Variants in PDZRN4 observed in about 807,000 individuals in gnomAD.
PDZRN4 encodes the protein PDZ domain-containing RING finger protein 4.
A neutral mutation model predicts 99.0 loss-of-function variants in PDZRN4; 70 were observed. The observed-to-expected ratio is 0.71, with a 90% CI of 0.58 to 0.86. The LOEUF is 0.86. Ranked by LOEUF, PDZRN4 falls within the 40% of genes least tolerant of loss-of-function variation. The pLI, the probability that PDZRN4 is intolerant of heterozygous loss-of-function variation, is 0.00. For missense variants in PDZRN4, 1,474 were observed against 1,331.2 expected, an observed-to-expected ratio of 1.11 and a Z score of -1.67; for synonymous variants, 551 against 501.6, an observed-to-expected ratio of 1.10 and a Z score of -1.32.
At chr12:41,344,140 C>T (rs1951836691) in intron 3 of PDZRN4, among the ~76,000 whole-genome samples, 1 of 152,078 alleles carries the variant, frequency 6.6e-6, no homozygotes, top group Admixed American at 6.6e-5. Flanking sequence ...TTGATTATAT[C>T]ATTCTGTTGC....
At chr12:41,514,044 G>T (rs549149782) in intron 5 of PDZRN4, among the ~76,000 whole-genome samples, 1 of 152,146 alleles carries the variant, frequency 6.6e-6, no homozygotes, top group East Asian at 1.9e-4. Context: ...ACAAAAGGCT[G>T]AAATAAGTAC....
At chr12:41,455,077 A>G (rs928286577) in intron 3 of PDZRN4, among the ~76,000 whole-genome samples, 2 of 152,240 alleles carry the variant, frequency 1.3e-5, no homozygotes, top group African/African-American at 4.8e-5. Flanking sequence ...ATGCAGTTAT[A>G]TAGAAATGAT....
intron 2 of PDZRN4, 50 bp downstream of exon 2, chr12:41,191,594 A>G: frequency 1.2e-6 from 1 of 868,488 alleles, no homozygotes; most frequent in East Asian, 2.4e-5. Context: ...ATAAGCATTA[A>G]TAAGCATTAC....
At chr12:41,225,604 C>T (rs1184568346) in intron 3 of PDZRN4, among the ~76,000 whole-genome samples, 1 of 151,878 alleles carries the variant, frequency 6.6e-6, no homozygotes, top group Non-Finnish European at 1.5e-5. Context: ...ACAAAACACA[C>T]CTATTTTAAT....
Position 41,573,665 on chromosome 12 carries a change from C to T in PDZRN4, c.2886C>T (p.Phe962=). 6.2e-7 allele frequency: 1 copy of T among 1,614,038 alleles called. No individual in the cohort carries two copies. Among genetic ancestry groups the T allele is most frequent in the African/African-American group, 1.3e-5 (1 of 75,018 alleles). ...RAKEQRRRRE[F]MMRSRLECLK... ...AAGAGCAGCGCCGTCGCCGTGAGTTCATGATGCGAAGCAGGTTAGAGTGTC... is the reference window on the plus strand; with the variant it reads ...AAGAGCAGCGCCGTCGCCGTGAGTTTATGATGCGAAGCAGGTTAGAGTGTC... The change falls in exon 10 of 10, where the codon TTC becomes TTT. Residue 962 remains phenylalanine, a synonymous_variant. Coordinates refer to ENST00000402685, the MANE Select transcript of PDZRN4 (RefSeq NM_001164595.2).
At chr12:41,502,916 G>A (rs144098846) in intron 3 of PDZRN4, among the ~76,000 whole-genome samples, 2 of 152,202 alleles carry the variant, frequency 1.3e-5, no homozygotes, top group African/African-American at 4.8e-5. Flanking sequence ...AAGTTTTGCT[G>A]TTGTTAACAA....
chr12:41,361,678 G>A (rs938821526), intron 3 of PDZRN4, among the ~76,000 whole-genome samples: 1 of 151,980 alleles, frequency 6.6e-6, no homozygotes, highest in African/African-American at 2.4e-5. Context: ...GTTTAGAAAT[G>A]GACGTCTTGC....
intron 3 of PDZRN4, among the ~76,000 whole-genome samples, chr12:41,267,165 T>C (rs1242489924): frequency 6.6e-6 from 1 of 152,198 alleles, no homozygotes. Flanking sequence ...ATATGGATAA[T>C]GTGAAAACTG....
At chr12:41,533,470 G>C (rs1030925072) in intron 5 of PDZRN4, among the ~76,000 whole-genome samples, 27 of 152,142 alleles carry the variant, frequency 1.8e-4, no homozygotes, top group African/African-American at 5.8e-4. Context: ...ACTGAGCCCA[G>C]CCTCAGTTTA....
intron 6 of PDZRN4, among the ~76,000 whole-genome samples, chr12:41,554,976 A>G (rs934561354): frequency 2.7e-5 from 4 of 149,976 alleles, no homozygotes; most frequent in African/African-American, 9.8e-5. Flanking sequence ...TGGGAGGCCA[A>G]GGCGGGCGGA....
chr12:41,299,817 T>C (rs978932860), intron 3 of PDZRN4, among the ~76,000 whole-genome samples: 1 of 152,020 alleles, frequency 6.6e-6, no homozygotes, highest in African/African-American at 2.4e-5. Context: ...TATTTATATA[T>C]TAAGATATTA....
At position 41,546,769 on chromosome 12, in the gene PDZRN4, G is replaced by A. The variant is rs141772800; in HGVS notation, c.1204-5887G>A. On this transcript the variant is annotated intron_variant, in intron 5 of 9. Transcript: ENST00000402685. ...AGGGTCAACAGGTTCGAGCTCTAGCGAGAGAACAAAAGTGCTGGAGTGGGA... is the reference window on the plus strand; with the variant it reads ...AGGGTCAACAGGTTCGAGCTCTAGCAAGAGAACAAAAGTGCTGGAGTGGGA... Among the ~76,000 whole-genome samples, 619 of 152,322 alleles carry A rather than the reference G, an allele frequency of 4.1e-3. 7 individuals carry two copies. The highest frequency in any genetic ancestry group is 0.014 in the African/African-American group (583 of 41,580).
chr12:41,283,212 A>G (rs1266196525), intron 3 of PDZRN4, among the ~76,000 whole-genome samples: 1 of 152,200 alleles, frequency 6.6e-6, no homozygotes, highest in Non-Finnish European at 1.5e-5. Flanking sequence ...AATACAAACT[A>G]CCGTCAGAGA....
intron 3 of PDZRN4, among the ~76,000 whole-genome samples, chr12:41,464,017 G>C (rs921560197): frequency 6.6e-6 from 1 of 152,142 alleles, no homozygotes. Flanking sequence ...AGCTCTCATG[G>C]CTTCCATCGT....
chr12:41,316,520 A>G (rs1016063050), intron 3 of PDZRN4, among the ~76,000 whole-genome samples: 3 of 151,390 alleles, frequency 2.0e-5, no homozygotes, highest in African/African-American at 7.3e-5. Flanking sequence ...GTAGCCCAGG[A>G]CAATGAATTT....
At chr12:41,449,813 C>T (rs910235388) in intron 3 of PDZRN4, among the ~76,000 whole-genome samples, 1 of 152,164 alleles carries the variant, frequency 6.6e-6, no homozygotes, top group East Asian at 1.9e-4. Context: ...ATTGAATTCA[C>T]TATTTTGTGT....
intron 5 of PDZRN4, among the ~76,000 whole-genome samples, chr12:41,513,273 T>G (rs1458826998): frequency 6.6e-6 from 1 of 152,110 alleles, no homozygotes; most frequent in Admixed American, 6.6e-5. Flanking sequence ...GTCCATGTTA[T>G]GGTGACTCTG....
At chr12:41,516,534 A>G (rs1565603900) in intron 5 of PDZRN4, among the ~76,000 whole-genome samples, 1 of 152,098 alleles carries the variant, frequency 6.6e-6, no homozygotes, top group Non-Finnish European at 1.5e-5. Context: ...GAGGAAATGG[A>G]TTTAAGTGTA....
intron 5 of PDZRN4, among the ~76,000 whole-genome samples, chr12:41,524,232 C>G (rs1012957714): frequency 6.6e-6 from 1 of 152,092 alleles, no homozygotes; most frequent in Non-Finnish European, 1.5e-5. Flanking sequence ...GGAAAGACAT[C>G]TCATGTTCCT....
Sources: gnomAD v4.1 joint callset for allele counts (sites outside exome capture counted in the v4.1 genomes callset) on GRCh38, gnomAD v4.1.1 for gene constraint, MANE v1.5 for transcripts, NCBI Gene and HGNC (gene_info 2026-07-23, HGNC 2026-07-21) for gene names.